EYA1: variants seen among roughly 807,000 people sequenced by gnomAD.
EYA1 encodes EYA transcriptional coactivator and phosphatase 1, also known as protein phosphatase EYA1.
Under a neutral mutation model 82.0 loss-of-function variants are expected in EYA1, and 16 were observed. That is an observed-to-expected ratio of 0.20 (90% CI 0.13 to 0.30). The LOEUF (loss-of-function observed/expected upper bound fraction) is 0.30, where lower values mean the gene tolerates loss of function less well. Among genes scored for constraint, EYA1 ranks in the 10% least tolerant of loss-of-function variants. The pLI, the probability that EYA1 is intolerant of heterozygous loss-of-function variation, is 1.00. For missense variants in EYA1, 633 were observed against 730.7 expected (o/e 0.87, Z 1.54); for synonymous variants, 261 against 264.4 (o/e 0.99, Z 0.12).
At chr8:71,523,153 CTCTTTTTCTTTTCTTTTT>C (rs1371444277) in intron 2 of EYA1, among the ~76,000 whole-genome samples, 1 of 146,028 alleles carries the variant, frequency 6.8e-6, no homozygotes, top group Non-Finnish European at 1.5e-5. Flanking sequence ...ATCTATTCAG[CTCTTTTTCTTTTCTTTTT>C]TCTTTTTCTT....
At chr8:71,421,026 A>G (rs571940970) in intron 2 of EYA1, among the ~76,000 whole-genome samples, 37 of 152,324 alleles carry the variant, frequency 2.4e-4, no homozygotes, top group African/African-American at 8.7e-4. Flanking sequence ...CATTTAAAAC[A>G]TCACAGAACT....
chr8:71,261,486 C>T (rs1815102445), intron 11 of EYA1, among the ~76,000 whole-genome samples: 1 of 152,162 alleles, frequency 6.6e-6, no homozygotes, highest in South Asian at 2.1e-4. Flanking sequence ...ACCCCCAAAA[C>T]CCTCAAACTT....
rs374918573 is a variant in EYA1, at chr8:71,203,003, CT to C, written c.1699-3584del. 4.6e-5 allele frequency among the ~76,000 whole-genome samples: 7 copies of C among 152,134 alleles called. No individual in the cohort carries two copies. The South Asian group carries it at 8.3e-4, about 18-fold the overall frequency. ...TCAGGACAACTGGATACAAAGTAAA[CT>C]TTTTTTTCTCTTGCATCAATGTTTA... is the stretch of plus-strand genomic sequence containing the variant. On this transcript the variant is annotated intron_variant, in intron 17 of 17. Transcript: ENST00000340726.
intron 2 of EYA1, among the ~76,000 whole-genome samples, chr8:71,427,895 G>T (rs762490512): frequency 1.1e-4 from 16 of 151,750 alleles, no homozygotes; most frequent in Middle Eastern, 3.4e-3. Context: ...TGGAAGGGTT[G>T]CTTGAGCCTG....
At chr8:71,497,911 T>C (rs555094941) in intron 2 of EYA1, among the ~76,000 whole-genome samples, 43 of 152,248 alleles carry the variant, frequency 2.8e-4, no homozygotes, top group African/African-American at 1.0e-3. Context: ...TGCGAGAACA[T>C]AAATGACCCT....
chr8:71,211,736 C>G (rs181915106), intron 16 of EYA1, among the ~76,000 whole-genome samples: 2 of 152,158 alleles, frequency 1.3e-5, no homozygotes, highest in Non-Finnish European at 2.9e-5. Flanking sequence ...AATAACTGGA[C>G]TTGTTTTTGT....
Position 71,389,682 on chromosome 8 carries a change from G to A in EYA1, c.34-33171C>T, listed in dbSNP as rs1484739251. Among the ~76,000 whole-genome samples the A allele has an allele frequency of 3.3e-5, 5 of 152,296 alleles. No individual in the cohort carries two copies. The East Asian group carries it at 9.6e-4, about 29-fold the overall frequency. On this transcript the variant is annotated intron_variant, in intron 2 of 18. Coordinates refer to the EYA1 transcript ENST00000643681. ...CAAAAAAATCAAATGGTCCATGTAC[G>A]ACTGGTGACAGATACATGTTAAAAA...
chr8:71,423,549 C>A (rs1831259325), intron 2 of EYA1, among the ~76,000 whole-genome samples: 2 of 152,106 alleles, frequency 1.3e-5, no homozygotes. Flanking sequence ...ATAGTTATTT[C>A]ATTGTCTTTC....
At chr8:71,318,408 T>G (rs1822164181) in intron 6 of EYA1, among the ~76,000 whole-genome samples, 1 of 152,190 alleles carries the variant, frequency 6.6e-6, no homozygotes, top group African/African-American at 2.4e-5. Context: ...TTGACTATAA[T>G]TGTTTTCGAT....
chr8:71,400,115 C>G (rs1321184866), intron 2 of EYA1, among the ~76,000 whole-genome samples: 1 of 151,950 alleles, frequency 6.6e-6, no homozygotes, highest in Non-Finnish European at 1.5e-5. Flanking sequence ...GAAACTGGAC[C>G]CCTTCCTTAC....
intron 11 of EYA1, among the ~76,000 whole-genome samples, chr8:71,246,875 C>T (rs759526626): frequency 2.0e-5 from 3 of 152,102 alleles, no homozygotes; most frequent in Non-Finnish European, 4.4e-5. Context: ...CCCAACCTGG[C>T]TATTCCTCCA....
intron 2 of EYA1, among the ~76,000 whole-genome samples, chr8:71,392,312 G>T (rs890939433): frequency 1.3e-5 from 2 of 152,110 alleles, no homozygotes; most frequent in Non-Finnish European, 2.9e-5. Context: ...TGTCCAAAAA[G>T]ATAAAGAATT....
intron 11 of EYA1, among the ~76,000 whole-genome samples, chr8:71,247,930 T>A (rs1813302646): frequency 6.6e-6 from 1 of 152,242 alleles, no homozygotes; most frequent in Admixed American, 6.5e-5. Flanking sequence ...TTGCCAATTT[T>A]AAAATTTATG....
chr8:71,374,404 G>A (rs541378033), intron 2 of EYA1, among the ~76,000 whole-genome samples: 10 of 152,076 alleles, frequency 6.6e-5, no homozygotes, highest in East Asian at 5.8e-4. Flanking sequence ...ACTAATCATC[G>A]GGGAAATGCA....
intron 3 of EYA1, among the ~76,000 whole-genome samples, chr8:71,336,282 G>C (rs779921654): frequency 1.6e-4 from 25 of 152,344 alleles, no homozygotes; most frequent in Non-Finnish European, 2.5e-4. Flanking sequence ...ACTGGGGATA[G>C]AGTGGAAAGC....
intron 11 of EYA1, among the ~76,000 whole-genome samples, chr8:71,249,811 C>T (rs1745362371): frequency 6.6e-6 from 1 of 152,120 alleles, no homozygotes; most frequent in African/African-American, 2.4e-5. Flanking sequence ...CCTAGATGTC[C>T]CATAAAGCAC....
intron 12 of EYA1, among the ~76,000 whole-genome samples, chr8:71,229,941 G>A (rs754003173): frequency 6.6e-6 from 1 of 152,068 alleles, no homozygotes; most frequent in African/African-American, 2.4e-5. Flanking sequence ...CCCATACCCC[G>A]ACCGTCCACC....
chr8:71,391,460 CT>C (rs1246167258), intron 2 of EYA1, among the ~76,000 whole-genome samples: 1 of 152,098 alleles, frequency 6.6e-6, no homozygotes, highest in Non-Finnish European at 1.5e-5. Context: ...TATTGGTTGT[CT>C]TTTCACTTAA....
At chr8:71,322,024 C>T (rs1341001080) in intron 5 of EYA1, 145 bp from the exon 6 acceptor site, 7 of 1,153,214 alleles carry the variant, frequency 6.1e-6, no homozygotes, top group Admixed American at 1.8e-5. Flanking sequence ...CACTGAAATA[C>T]TTCAGTGTCT....
Sources: gnomAD v4.1 joint callset for allele counts (sites outside exome capture counted in the v4.1 genomes callset) on GRCh38, gnomAD v4.1.1 for gene constraint, MANE v1.5 for transcripts, NCBI Gene and HGNC (gene_info 2026-07-23, HGNC 2026-07-21) for gene names.